The following ITGA8 variants were observed in gnomAD, a reference collection of about 807,000 sequenced individuals.
ITGA8 encodes integrin alpha-8.
In ITGA8, 91 loss-of-function variants were observed where a neutral mutation model predicts 142.3. That is an observed-to-expected ratio of 0.64 (90% CI 0.54 to 0.76). ITGA8 has a LOEUF of 0.76. Among genes scored for constraint, ITGA8 ranks in the 30% least tolerant of loss-of-function variants. The pLI is 0.00. For missense variants in ITGA8, 1,406 were observed against 1,327.7 expected, an observed-to-expected ratio of 1.06 and a Z score of -0.92; for synonymous variants, 505 against 485.2, an observed-to-expected ratio of 1.04 and a Z score of -0.54.
At chr10:15,668,167 G>A (rs1031029590) in intron 8 of ITGA8, among the ~76,000 whole-genome samples, 5 of 152,098 alleles carry the variant, frequency 3.3e-5, no homozygotes, top group Non-Finnish European at 5.9e-5. Flanking sequence ...TCTCTTTGTA[G>A]GTCACTAAGG....
At chr10:15,702,824 G>A (rs1835190229) in intron 2 of ITGA8, among the ~76,000 whole-genome samples, 1 of 152,126 alleles carries the variant, frequency 6.6e-6, no homozygotes, top group Middle Eastern at 3.2e-3. Context: ...AATTCTTTGA[G>A]ATTATTGTTT....
intron 21 of ITGA8, chr10:15,596,399 G>C (rs1833012581): frequency 1.3e-5 from 2 of 151,954 alleles, no homozygotes; most frequent in South Asian, 4.2e-4. Flanking sequence ...TGACTCACAG[G>C]GTTGTTTTGA....
chr10:15,574,810 C>A (rs369767591), intron 24 of ITGA8, among the ~76,000 whole-genome samples: 1 of 151,700 alleles, frequency 6.6e-6, no homozygotes, highest in Non-Finnish European at 1.5e-5. Context: ...GGGTAACCTT[C>A]AGTTTAAAAG....
intron 23 of ITGA8, among the ~76,000 whole-genome samples, chr10:15,579,239 G>A (rs1445678562): frequency 6.6e-6 from 1 of 152,054 alleles, no homozygotes; most frequent in Non-Finnish European, 1.5e-5. Context: ...ATAATCTGTG[G>A]TCAATTGTTG....
intron 23 of ITGA8, among the ~76,000 whole-genome samples, chr10:15,583,282 A>G (rs1287821967): frequency 6.6e-6 from 1 of 152,096 alleles, no homozygotes; most frequent in Non-Finnish European, 1.5e-5. Flanking sequence ...CAAACACCAC[A>G]TGTTCTCACT....
chr10:15,675,127 C>T (rs1000065590), intron 6 of ITGA8, among the ~76,000 whole-genome samples: 1 of 152,148 alleles, frequency 6.6e-6, no homozygotes, highest in Non-Finnish European at 1.5e-5. Flanking sequence ...CATCTATACC[C>T]ATGGACTGAG....
In ITGA8 at chr10:15,677,894, T is replaced by G. The variant is rs563931762; in HGVS notation, c.631-257A>C. Among the ~76,000 whole-genome samples, 88 of 152,340 alleles carry G rather than the reference T, an allele frequency of 5.8e-4. 1 individual carries two copies. The highest frequency in any genetic ancestry group is 1.0e-3 in the Non-Finnish European group (68 of 68,034). ...GTTGAACTCTCTCCCTTGAGAGAGA[T>G]AAATTCTGTTTTTTGGCACTGCCTC... is the stretch of plus-strand genomic sequence containing the variant. On this transcript the variant is annotated intron_variant, in intron 5 of 29. Transcript: ENST00000378076.
intron 8 of ITGA8, among the ~76,000 whole-genome samples, chr10:15,670,408 C>G (rs1834489635): frequency 6.6e-6 from 1 of 152,108 alleles, no homozygotes; most frequent in Admixed American, 6.6e-5. Context: ...TTGTCATAGC[C>G]TAAGGAATAG....
intron 8 of ITGA8, among the ~76,000 whole-genome samples, chr10:15,667,925 T>A (rs1164352399): frequency 2.0e-5 from 3 of 152,162 alleles, no homozygotes; most frequent in Non-Finnish European, 4.4e-5. Flanking sequence ...TGCTGAGGAG[T>A]GCTTTACTTC....
chr10:15,544,665 A>G (rs758230842), intron 27 of ITGA8, among the ~76,000 whole-genome samples: 3 of 152,188 alleles, frequency 2.0e-5, no homozygotes, highest in Admixed American at 6.5e-5. Context: ...TGTGGTAGCA[A>G]CCCTCCAAGA....
intron 9 of ITGA8, 22 bp downstream of exon 9, chr10:15,660,857 G>T: frequency 6.3e-7 from 1 of 1,596,600 alleles, no homozygotes. Context: ...CCCTATTCCT[G>T]TAATGCATTC....
chr10:15,635,275 G>A (rs1358746130), intron 13 of ITGA8, among the ~76,000 whole-genome samples: 1 of 151,982 alleles, frequency 6.6e-6, no homozygotes, highest in Non-Finnish European at 1.5e-5. Flanking sequence ...AAAGTGCTGG[G>A]ATTATAGGCA....
chr10:15,592,003 C>G (rs947556819), intron 22 of ITGA8, among the ~76,000 whole-genome samples: 1 of 152,140 alleles, frequency 6.6e-6, no homozygotes, highest in Non-Finnish European at 1.5e-5. Flanking sequence ...ATTTTGCTAT[C>G]TCATAACTTG....
At chr10:15,634,093 C>T (rs1226343279) in intron 13 of ITGA8, among the ~76,000 whole-genome samples, 1 of 152,160 alleles carries the variant, frequency 6.6e-6, no homozygotes, top group Admixed American at 6.5e-5. Flanking sequence ...ACAGTCATAC[C>T]TATCTCAGGA....
rs1051046088 is a variant in ITGA8, at chr10:15,514,316, G to A, written c.*2842C>T. 1 of 152,178 alleles carries A rather than the reference G, an allele frequency of 6.6e-6. No individual in the cohort carries two copies. The highest frequency in any genetic ancestry group is 1.5e-5 in the Non-Finnish European group (1 of 68,048). 9.4% of individuals were successfully genotyped at this position (152,178 alleles called of 1,614,324 possible). On this transcript the variant is annotated 3_prime_UTR_variant, in exon 30 of 30. Coordinates refer to ENST00000378076, the MANE Select transcript of ITGA8 (RefSeq NM_003638.3). ...TCTCTGTCGTCAGTATGTTCTCTGGGCAGAACGGATTGCTGGAAGGTTTGC... is the reference window on the plus strand; with the variant it reads ...TCTCTGTCGTCAGTATGTTCTCTGGACAGAACGGATTGCTGGAAGGTTTGC...
intron 27 of ITGA8, among the ~76,000 whole-genome samples, chr10:15,545,802 A>G (rs964462851): frequency 6.6e-6 from 1 of 151,940 alleles, no homozygotes; most frequent in African/African-American, 2.4e-5. Context: ...ACTGTGTAGT[A>G]TTGCTTTGTT....
intron 11 of ITGA8, among the ~76,000 whole-genome samples, chr10:15,652,853 G>A (rs1307150553): frequency 4.6e-5 from 7 of 152,202 alleles, no homozygotes; most frequent in Non-Finnish European, 1.0e-4. Flanking sequence ...CATGGTAGTA[G>A]GGTTCCAGAA....
intron 8 of ITGA8, among the ~76,000 whole-genome samples, chr10:15,667,496 A>G (rs1294667025): frequency 6.6e-6 from 1 of 151,820 alleles, no homozygotes. Context: ...TTTGTTGAAG[A>G]GTTTTTTGTG....
chr10:15,656,056 G>T (rs1203943649), intron 10 of ITGA8, among the ~76,000 whole-genome samples: 1 of 152,174 alleles, frequency 6.6e-6, no homozygotes, highest in South Asian at 2.1e-4. Context: ...CTGCACTCCA[G>T]CCTGGGTGAC....
Sources: allele counts gnomAD v4.1 joint callset (sites outside exome capture counted in the v4.1 genomes callset), GRCh38; gene constraint gnomAD v4.1.1; transcripts MANE v1.5; gene names NCBI Gene and HGNC (gene_info 2026-07-23, HGNC 2026-07-21).